SNX13: variants seen among roughly 807,000 people sequenced by gnomAD.
The protein encoded by SNX13 is sorting nexin-13.
In SNX13, 45 loss-of-function variants were observed where a neutral mutation model predicts 133.6. The ratio of observed to expected loss-of-function variants is 0.34; its 90% CI spans 0.27 to 0.43. SNX13 has a LOEUF of 0.43. Ranked by LOEUF, SNX13 falls within the 20% of genes least tolerant of loss-of-function variation. SNX13 has a pLI of 1.00. For synonymous variants in SNX13, 414 were observed against 373.9 expected, an observed-to-expected ratio of 1.11 and a Z score of -1.24; for missense variants, 1,032 against 1,145.1, an observed-to-expected ratio of 0.90 and a Z score of 1.43.
In SNX13 at chr7:17,850,967, G is replaced by GA. The variant is rs745632667; in HGVS notation, c.838-4dup. ...TAGTTGCAGTTAGAATCACGGATCT[G>GA]AAAACAAGTTTAAGAAAAACAGGTG... On this transcript the variant is annotated splice_region_variant and splice_polypyrimidine_tract_variant and intron_variant, in intron 9 of 25. Transcript: ENST00000428135. 20 of 1,597,208 alleles carry GA rather than the reference G, an allele frequency of 1.3e-5. No homozygotes were observed. In the African/African-American group the frequency reaches 2.6e-4, roughly 20 times the overall value.
chr7:17,891,707 A>G, intron 3 of SNX13, 72 bp from the exon 4 acceptor site: 2 of 1,010,516 alleles, frequency 2.0e-6, no homozygotes, highest in Non-Finnish European at 1.5e-6. Context: ...TTCCAGTTGA[A>G]TACTCAATGT....
chr7:17,815,026 C>A, intron 19 of SNX13, 82 bp from the exon 20 acceptor site: 2 of 1,290,246 alleles, frequency 1.6e-6, no homozygotes, highest in South Asian at 2.2e-5. Flanking sequence ...AATTTTAGCT[C>A]ATAAATTTTA....
At chr7:17,846,487 T>C (rs1308127396) in intron 11 of SNX13, among the ~76,000 whole-genome samples, 4 of 152,172 alleles carry the variant, frequency 2.6e-5, no homozygotes, top group Non-Finnish European at 5.9e-5. Flanking sequence ...ATAAGAGCCA[T>C]GATGTTTCCA....
At chr7:17,931,350 A>G (rs1461551924) in intron 1 of SNX13, among the ~76,000 whole-genome samples, 1 of 108,782 alleles carries the variant, frequency 9.2e-6, no homozygotes, top group Non-Finnish European at 2.3e-5. Context: ...TCAGAACATT[A>G]TTTCCTAATA....
chr7:17,899,696 G>A (rs1197022758), intron 1 of SNX13: 1 of 151,912 alleles, frequency 6.6e-6, no homozygotes, highest in Non-Finnish European at 1.5e-5. Flanking sequence ...ATAAGATTCT[G>A]AATTCCTTCT....
In SNX13 at chr7:17,875,514, A is replaced by C; in HGVS notation, c.630T>G (p.Arg210=). 1.2e-6 allele frequency: 2 copies of C among 1,610,322 alleles called. No individual in the cohort carries two copies. Among genetic ancestry groups the C allele is most frequent in the Non-Finnish European group, 1.7e-6 (2 of 1,179,326 alleles). ...CTTTGGGGGAAGTGCACACTAGATC[A>C]CGGCAAACCTCCTTCTCCATTTCAA... is the stretch of plus-strand genomic sequence containing the variant. ...VEVEMEKEVC[R]DLVCTSPKDE... is the part of the protein sequence containing the mutation. The change falls in exon 7 of 26, where the codon CGT becomes CGG. Residue 210 remains arginine (R), a synonymous_variant. Transcript: ENST00000428135.
chr7:17,890,497 T>G lies in SNX13; in HGVS notation c.319-13A>C. ...AAAACTGGATAACCTATAACAAAAA[T>G]ATTGGAAAAAAAATTACAACATTTT... is the stretch of plus-strand genomic sequence containing the variant. On this transcript the variant is annotated splice_polypyrimidine_tract_variant and intron_variant, in intron 4 of 25. Transcript: ENST00000428135. The G allele has an allele frequency of 1.3e-6, 2 of 1,535,396 alleles. No homozygotes were observed. Among genetic ancestry groups the G allele is most frequent in the Non-Finnish European group, 1.8e-6 (2 of 1,140,594 alleles).
chr7:17,891,535 C>G lies in SNX13; in HGVS notation c.318+11G>C. On this transcript the variant is annotated intron_variant, in intron 4 of 25. Transcript: ENST00000428135. ...ATATATAGAATTCAAATACCACACG[C>G]TGAAACTCACTTGCTGGAGAGGTTC... 6.3e-7 allele frequency: 1 copy of G among 1,599,614 alleles called. No homozygotes were observed.
intron 8 of SNX13, 54 bp from the exon 9 acceptor site, chr7:17,868,544 GC>G (rs1363998798): frequency 1.3e-5 from 17 of 1,336,844 alleles, no homozygotes; most frequent in Non-Finnish European, 1.7e-5. Flanking sequence ...GAAATCAACA[GC>G]ATAATGTAAA....
intron 21 of SNX13, among the ~76,000 whole-genome samples, chr7:17,802,260 T>C (rs1784724961): frequency 6.6e-6 from 1 of 152,032 alleles, no homozygotes; most frequent in Non-Finnish European, 1.5e-5. Flanking sequence ...AATCGCCCGG[T>C]GACACATTTC....
intron 13 of SNX13, among the ~76,000 whole-genome samples, chr7:17,838,431 C>A (rs1789415230): frequency 6.6e-6 from 1 of 151,846 alleles, no homozygotes; most frequent in South Asian, 2.1e-4. Flanking sequence ...AGAGAACCAA[C>A]TTTTGGTTTT....
intron 19 of SNX13, 83 bp downstream of exon 19, chr7:17,816,099 T>C: frequency 7.2e-7 from 1 of 1,382,600 alleles, no homozygotes; most frequent in Admixed American, 2.9e-5. Flanking sequence ...AAACATTCTG[T>C]GTGCTATATT....
chr7:17,868,840 CAGAAA>C (rs371843765), intron 8 of SNX13, among the ~76,000 whole-genome samples: 7 of 151,774 alleles, frequency 4.6e-5, no homozygotes, highest in African/African-American at 1.2e-4. Context: ...ACTATAGAAA[CAGAAA>C]AGAAAAGGGA....
Position 17,834,726 on chromosome 7 carries a change from A to G in SNX13, c.1464+35T>C, listed in dbSNP as rs1374041257. ...TTACATAAAAGTATTTTTTCTCAAA[A>G]AAGATAAAATGATAAATGCTGTACA... On this transcript the variant is annotated intron_variant, in intron 14 of 25. Coordinates refer to ENST00000428135, the MANE Select transcript of SNX13 (RefSeq NM_015132.5). 3 of 1,387,154 alleles carry G rather than the reference A, an allele frequency of 2.2e-6. No individual in the cohort carries two copies. In the Admixed American group the frequency reaches 6.3e-5, roughly 29 times the overall value. The allele number at this position is 1,387,154 out of a possible 1,614,324, so 85.9% of individuals were successfully genotyped here. A position where few individuals can be genotyped will look rare whatever the true frequency, so the allele number is the denominator to read the frequency against.
intron 1 of SNX13, among the ~76,000 whole-genome samples, chr7:17,917,151 A>T (rs1315744189): frequency 6.6e-6 from 1 of 152,162 alleles, no homozygotes; most frequent in East Asian, 1.9e-4. Context: ...ACTAGGCATC[A>T]AAGGATCATA....
chr7:17,835,597 G>A (rs942326942), intron 13 of SNX13, among the ~76,000 whole-genome samples: 2 of 151,946 alleles, frequency 1.3e-5, no homozygotes, highest in African/African-American at 4.8e-5. Flanking sequence ...ATCAACTTTT[G>A]CATTTTCAGT....
chr7:17,893,477 C>A (rs1026692932), intron 2 of SNX13, 43 bp from the exon 3 acceptor site: 4 of 1,252,178 alleles, frequency 3.2e-6, no homozygotes, highest in Non-Finnish European at 4.5e-6. Context: ...ACAAAATTTC[C>A]TTATAATTTA....
At chr7:17,877,044 T>TG (rs1491172639) in intron 5 of SNX13, among the ~76,000 whole-genome samples, 15 of 72,990 alleles carry the variant, frequency 2.1e-4, no homozygotes, top group African/African-American at 5.5e-4. Context: ...TGTTACTTTT[T>TG]GAAAAAAAAA....
intron 5 of SNX13, among the ~76,000 whole-genome samples, chr7:17,885,150 T>C (rs1056190000): frequency 6.6e-6 from 1 of 152,156 alleles, no homozygotes; most frequent in Admixed American, 6.5e-5. Flanking sequence ...CGGAATATTA[T>C]TCAGCAATAA....
Sources: allele counts gnomAD v4.1 joint callset (sites outside exome capture counted in the v4.1 genomes callset), GRCh38; gene constraint gnomAD v4.1.1; transcripts MANE v1.5; gene names NCBI Gene and HGNC (gene_info 2026-07-23, HGNC 2026-07-21).